Variants in ANXA10 observed in about 807,000 individuals in gnomAD.
ANXA10 encodes annexin 14.
In ANXA10, 49 loss-of-function variants were observed where a neutral mutation model predicts 53.5. The observed-to-expected ratio is 0.92, with a 90% CI of 0.73 to 1.16. The LOEUF (loss-of-function observed/expected upper bound fraction) is 1.16, where lower values mean the gene tolerates loss of function less well. ANXA10 is among the 50% of genes most tolerant of loss of function. ANXA10 has a pLI of 0.00. For missense variants in ANXA10, 393 were observed against 394.4 expected (o/e 1.00, Z 0.03); for synonymous variants, 131 against 128.9 (o/e 1.02, Z -0.11).
chr4:168,128,524 G>A (rs1731108714), intron 2 of ANXA10, among the ~76,000 whole-genome samples: 1 of 151,982 alleles, frequency 6.6e-6, no homozygotes, highest in Non-Finnish European at 1.5e-5. Flanking sequence ...TTTGCTATTT[G>A]CTATTTCCAC....
intron 1 of ANXA10, among the ~76,000 whole-genome samples, chr4:168,102,870 T>C (rs749141339): frequency 1.3e-5 from 2 of 152,154 alleles, no homozygotes; most frequent in African/African-American, 2.4e-5. Context: ...TATACAATTT[T>C]GCATTCTCAC....
chr4:168,157,378 C>A (rs1267509100), intron 3 of ANXA10, among the ~76,000 whole-genome samples: 2 of 152,074 alleles, frequency 1.3e-5, no homozygotes. Flanking sequence ...AGTGATCCTC[C>A]TGACTCAGCC....
At chr4:168,150,081 G>T (rs1042213063) in intron 3 of ANXA10, among the ~76,000 whole-genome samples, 2 of 152,052 alleles carry the variant, frequency 1.3e-5, no homozygotes, top group African/African-American at 4.8e-5. Flanking sequence ...CGTCTCCAAG[G>T]TCAGCTCACT....
At chr4:168,156,108 T>TATTATATATATTATATATAAA (rs1553957710) in intron 3 of ANXA10, among the ~76,000 whole-genome samples, 1 of 41,372 alleles carries the variant, frequency 2.4e-5, no homozygotes, top group Non-Finnish European at 3.8e-5. Flanking sequence ...TATATAAATA[T>TATTATATATATTATATATAAA]TATATTTATT....
intron 10 of ANXA10, among the ~76,000 whole-genome samples, chr4:168,182,820 C>G (rs1732281453): frequency 6.7e-6 from 1 of 149,332 alleles, no homozygotes; most frequent in African/African-American, 2.4e-5. Context: ...ACTGTCCTGG[C>G]TAACACGGTA....
At chr4:168,130,824 CGTAA>C (rs1405933432) in intron 2 of ANXA10, among the ~76,000 whole-genome samples, 2 of 151,398 alleles carry the variant, frequency 1.3e-5, no homozygotes, top group Non-Finnish European at 3.0e-5. Flanking sequence ...TTCTGATATT[CGTAA>C]GTTTTATCTC....
At chr4:168,144,665 C>A (rs1301853190) in intron 3 of ANXA10, among the ~76,000 whole-genome samples, 1 of 152,166 alleles carries the variant, frequency 6.6e-6, no homozygotes, top group East Asian at 1.9e-4. Flanking sequence ...ACATAGTGTA[C>A]CACACATAGT....
intron 6 of ANXA10, among the ~76,000 whole-genome samples, chr4:168,175,313 G>A (rs1312878400): frequency 1.3e-5 from 2 of 152,170 alleles, no homozygotes; most frequent in Non-Finnish European, 2.9e-5. Context: ...TGTAGTCACA[G>A]AAGATATAGC....
At chr4:168,183,009 G>GAAA (rs747151480) in intron 10 of ANXA10, among the ~76,000 whole-genome samples, 9 of 93,376 alleles carry the variant, frequency 9.6e-5, no homozygotes, top group African/African-American at 2.9e-4. Flanking sequence ...CACCGTCTCG[G>GAAA]AAAAAAAAAA....
Position 168,164,304 on chromosome 4 carries a change from T to C in ANXA10, c.400+16T>C, listed in dbSNP as rs537023791. ...TACTGCTTGCGTAAGGAAATATACATATGTGAATATATTTTACACATATAA... is the reference window on the plus strand; with the variant it reads ...TACTGCTTGCGTAAGGAAATATACACATGTGAATATATTTTACACATATAA... On this transcript the variant is annotated intron_variant, in intron 5 of 11. Transcript: ENST00000359299. 243 of 1,547,506 alleles carry C rather than the reference T, an allele frequency of 1.6e-4. 6 individuals carry two copies. The South Asian group carries it at 2.6e-3, about 17-fold the overall frequency.
Position 168,179,426 on chromosome 4 carries a change from T to C in ANXA10, c.724+114T>C, listed in dbSNP as rs896888746. 3 of 719,488 alleles carry C rather than the reference T, an allele frequency of 4.2e-6. No individual in the cohort carries two copies. The African/African-American group carries it at 5.4e-5, about 13-fold the overall frequency. The allele number at this position is 719,488 out of a possible 1,614,324, so 44.6% of individuals were successfully genotyped here. ...AGCTCTTGATCGAGTCATTTTCCCT[T>C]GAATTTAATTTTTTAAAAGGACATT... is the stretch of plus-strand genomic sequence containing the variant. On this transcript the variant is annotated intron_variant, in intron 9 of 11. Transcript: ENST00000359299.
intron 1 of ANXA10, among the ~76,000 whole-genome samples, chr4:168,127,403 T>C (rs1731086091): frequency 6.6e-6 from 1 of 152,188 alleles, no homozygotes; most frequent in South Asian, 2.1e-4. Flanking sequence ...ATTATTTTTA[T>C]GTTTTTCTAA....
chr4:168,160,902 G>A (rs992259475), intron 3 of ANXA10, among the ~76,000 whole-genome samples: 17 of 151,964 alleles, frequency 1.1e-4, no homozygotes, highest in Admixed American at 1.1e-3. Flanking sequence ...TTTTTAATGG[G>A]GTTGTTTGTT....
intron 1 of ANXA10, among the ~76,000 whole-genome samples, chr4:168,125,671 T>C (rs190501371): frequency 3.4e-4 from 52 of 152,284 alleles, no homozygotes; most frequent in Non-Finnish European, 6.9e-4. Flanking sequence ...GCAAAACAAG[T>C]GTTTTCTTTC....
At chr4:168,096,911 C>CACATATATATATATATATATATATAT (rs1730554334) in intron 1 of ANXA10, among the ~76,000 whole-genome samples, 1 of 109,670 alleles carries the variant, frequency 9.1e-6, no homozygotes, top group African/African-American at 5.1e-5. Flanking sequence ...AATACAAATG[C>CACATATATATATATATATATATATAT]ATATATATAT....
At chr4:168,165,156 C>T in intron 5 of ANXA10, 91 bp from the exon 6 acceptor site, 2 of 765,492 alleles carry the variant, frequency 2.6e-6, no homozygotes, top group Non-Finnish European at 4.0e-6. Context: ...GGACTTTGTA[C>T]TCACAACTGG....
At chr4:168,137,648 G>A (rs757071631) in intron 2 of ANXA10, among the ~76,000 whole-genome samples, 20 of 152,124 alleles carry the variant, frequency 1.3e-4, no homozygotes, top group Non-Finnish European at 2.9e-4. Flanking sequence ...TGGTTCCATG[G>A]TGTGTATATG....
chr4:168,125,827 G>A (rs1387281103), intron 1 of ANXA10, among the ~76,000 whole-genome samples: 3 of 152,054 alleles, frequency 2.0e-5, no homozygotes, highest in Non-Finnish European at 2.9e-5. Context: ...AGTTTATGTG[G>A]CTGTTTATTC....
chr4:168,138,243 G>A (rs771018518), intron 2 of ANXA10, among the ~76,000 whole-genome samples: 6 of 152,086 alleles, frequency 3.9e-5, no homozygotes, highest in Non-Finnish European at 7.4e-5. Flanking sequence ...TTACAGGCAT[G>A]AGCCATCGTG....
Sources: allele counts gnomAD v4.1 joint callset (sites outside exome capture counted in the v4.1 genomes callset), GRCh38; gene constraint gnomAD v4.1.1; transcripts MANE v1.5; gene names NCBI Gene and HGNC (gene_info 2026-07-23, HGNC 2026-07-21).